MAGI3: variants seen among roughly 807,000 people sequenced by gnomAD.
The protein encoded by MAGI3 is membrane associated guanylate kinase, WW and PDZ domain containing 3.
In MAGI3, 43 loss-of-function variants were observed where a neutral mutation model predicts 121.8. The ratio of observed to expected loss-of-function variants is 0.35; its 90% CI spans 0.28 to 0.46. MAGI3 has a LOEUF of 0.46. Ranked by LOEUF, MAGI3 falls within the 20% of genes least tolerant of loss-of-function variation. The probability of loss-of-function intolerance (pLI) is 1.00; values close to 1 mark genes in which losing one functional copy is unlikely to be tolerated. For synonymous variants in MAGI3, 553 were observed against 639.3 expected (o/e 0.86, Z 2.04); for missense variants, 1,547 against 1,797.3 (o/e 0.86, Z 2.52).
chr1:113,529,813 A>G (rs1658622012), intron 1 of MAGI3, among the ~76,000 whole-genome samples: 1 of 152,174 alleles, frequency 6.6e-6, no homozygotes, highest in East Asian at 1.9e-4. Context: ...TATTTTATTG[A>G]ATGATGAATA....
intron 1 of MAGI3, among the ~76,000 whole-genome samples, chr1:113,460,450 G>A (rs1654972517): frequency 6.6e-6 from 1 of 152,082 alleles, no homozygotes; most frequent in Admixed American, 6.6e-5. Context: ...AGAAATAAAG[G>A]GCACCCATAC....
At chr1:113,473,594 C>T (rs1433428468) in intron 1 of MAGI3, among the ~76,000 whole-genome samples, 4 of 152,138 alleles carry the variant, frequency 2.6e-5, no homozygotes, top group African/African-American at 9.7e-5. Flanking sequence ...AGGACATGAA[C>T]TCATCCTTTT....
At chr1:113,513,857 G>T (rs981585387) in intron 1 of MAGI3, among the ~76,000 whole-genome samples, 1 of 152,056 alleles carries the variant, frequency 6.6e-6, no homozygotes, top group Non-Finnish European at 1.5e-5. Context: ...CAAAACAGGA[G>T]AAAATTTTTG....
chr1:113,682,214 T>C (rs201382002), intron 20 of MAGI3: 72 of 1,609,744 alleles, frequency 4.5e-5, no homozygotes, highest in Admixed American at 6.7e-5. Flanking sequence ...CTCTTCAGGT[T>C]TGGCTCCTTC....
chr1:113,613,298 A>C (rs962370395), intron 6 of MAGI3, among the ~76,000 whole-genome samples: 3 of 152,140 alleles, frequency 2.0e-5, no homozygotes, highest in African/African-American at 7.2e-5. Flanking sequence ...AGGTCCTTCA[A>C]AGGAAAAACA....
At chr1:113,532,221 A>G (rs1658762123) in intron 1 of MAGI3, among the ~76,000 whole-genome samples, 1 of 152,132 alleles carries the variant, frequency 6.6e-6, no homozygotes, top group Non-Finnish European at 1.5e-5. Context: ...AAAATTGTAT[A>G]TTCATTTTAT....
At chr1:113,420,774 T>C (rs1652694626) in intron 1 of MAGI3, among the ~76,000 whole-genome samples, 2 of 152,218 alleles carry the variant, frequency 1.3e-5, no homozygotes, top group South Asian at 4.1e-4. Context: ...TCAGTAGTTT[T>C]AGTTGAGAGA....
At chr1:113,510,786 C>T (rs1300246024) in intron 1 of MAGI3, among the ~76,000 whole-genome samples, 1 of 152,152 alleles carries the variant, frequency 6.6e-6, no homozygotes, top group Admixed American at 6.5e-5. Flanking sequence ...CTCTAACCAC[C>T]ATATTATTAA....
At chr1:113,474,386 T>A (rs1352870775) in intron 1 of MAGI3, among the ~76,000 whole-genome samples, 1 of 152,272 alleles carries the variant, frequency 6.6e-6, no homozygotes, top group Non-Finnish European at 1.5e-5. Flanking sequence ...CTAGGGTTTT[T>A]ATGGTTTTAG....
intron 9 of MAGI3, among the ~76,000 whole-genome samples, chr1:113,638,283 T>TC (rs1207813105): frequency 6.6e-6 from 1 of 152,250 alleles, no homozygotes; most frequent in Non-Finnish European, 1.5e-5. Context: ...GGAACTGCGT[T>TC]CCTTTGGAAG....
intron 9 of MAGI3, among the ~76,000 whole-genome samples, chr1:113,633,983 C>T (rs1651831996): frequency 6.6e-6 from 1 of 151,502 alleles, no homozygotes; most frequent in South Asian, 2.1e-4. Flanking sequence ...TCTCTGATGG[C>T]CAGTGATGGT....
intron 1 of MAGI3, among the ~76,000 whole-genome samples, chr1:113,542,826 A>C (rs571825271): frequency 6.6e-6 from 1 of 152,280 alleles, no homozygotes; most frequent in Non-Finnish European, 1.5e-5. Context: ...GGGATATTCT[A>C]GGACAGCGCT....
At chr1:113,549,352 T>C (rs185149940) in intron 1 of MAGI3, among the ~76,000 whole-genome samples, 163 bp from the exon 2 acceptor site, 138 of 152,376 alleles carry the variant, frequency 9.1e-4, no homozygotes, top group African/African-American at 3.2e-3. Flanking sequence ...ATAGTACCTA[T>C]AAATAATTTG....
intron 1 of MAGI3, among the ~76,000 whole-genome samples, chr1:113,442,685 T>C (rs548630108): frequency 1.3e-5 from 2 of 151,934 alleles, no homozygotes; most frequent in African/African-American, 4.8e-5. Context: ...ATCATACATA[T>C]ATATATATAA....
At chr1:113,681,897 T>G (rs1286146303) in intron 20 of MAGI3, among the ~76,000 whole-genome samples, 1 of 152,182 alleles carries the variant, frequency 6.6e-6, no homozygotes, top group African/African-American at 2.4e-5. Context: ...CATGGCATGT[T>G]TTGAAATATC....
chr1:113,567,392 G>A (rs1265261679), intron 2 of MAGI3, among the ~76,000 whole-genome samples: 1 of 151,984 alleles, frequency 6.6e-6, no homozygotes, highest in Non-Finnish European at 1.5e-5. Flanking sequence ...CCAGTGAACG[G>A]AAGAGAAAGG....
At chr1:113,632,216 A>G (rs1174986026) in intron 9 of MAGI3, among the ~76,000 whole-genome samples, 1 of 152,222 alleles carries the variant, frequency 6.6e-6, no homozygotes, top group Non-Finnish European at 1.5e-5. Context: ...TAAAGTTAAC[A>G]AACTTTAGAG....
Position 113,542,599 on chromosome 1 carries a change from C to T in MAGI3, c.317-6916C>T, listed in dbSNP as rs146165275. Among the ~76,000 whole-genome samples the T allele has an allele frequency of 2.2e-4, 33 of 152,330 alleles. No individual in the cohort carries two copies. The East Asian group carries it at 4.0e-3, about 19-fold the overall frequency. On this transcript the variant is annotated intron_variant, in intron 1 of 20. Coordinates refer to ENST00000307546, the MANE Select transcript of MAGI3 (RefSeq NM_001142782.2). The stretch of plus-strand genomic sequence containing the variant: ...CCTTTGGGCTCACTCTCATTCACTG[C>T]GTTTAGCCCTAAGTACCTACTCCTC...
chr1:113,604,546 A>G (rs1222582210), intron 6 of MAGI3, among the ~76,000 whole-genome samples: 1 of 118,476 alleles, frequency 8.4e-6, no homozygotes, highest in African/African-American at 3.4e-5. Flanking sequence ...CAGCCTGGCG[A>G]CAGAGTGAGT....
Sources: gnomAD v4.1 joint callset for allele counts (sites outside exome capture counted in the v4.1 genomes callset) on GRCh38, gnomAD v4.1.1 for gene constraint, MANE v1.5 for transcripts, NCBI Gene and HGNC (gene_info 2026-07-23, HGNC 2026-07-21) for gene names.